Variants in RBM20 observed in about 807,000 individuals in gnomAD.
RBM20 encodes RNA binding motif protein 20.
RBM20 carries 51 observed loss-of-function variants against 110.1 expected under a neutral mutation model. The ratio of observed to expected loss-of-function variants is 0.46; its 90% CI spans 0.37 to 0.59. The LOEUF (loss-of-function observed/expected upper bound fraction) is 0.59, where lower values mean the gene tolerates loss of function less well. Among genes scored for constraint, RBM20 ranks in the 20% least tolerant of loss-of-function variants. RBM20 has a pLI of 0.00. For missense variants in RBM20, 1,512 were observed against 1,574.9 expected (o/e 0.96, Z 0.68); for synonymous variants, 589 against 618.2 (o/e 0.95, Z 0.70).
intron 1 of RBM20, among the ~76,000 whole-genome samples, chr10:110,691,179 T>A (rs1564816820): frequency 1.3e-5 from 2 of 152,096 alleles, no homozygotes; most frequent in Admixed American, 1.3e-4. Context: ...TTAGAAGGAG[T>A]GCTTTCACCA....
chr10:110,810,824 CGTGT>C (rs1023537902), intron 8 of RBM20, among the ~76,000 whole-genome samples: 2 of 142,046 alleles, frequency 1.4e-5, no homozygotes, highest in Admixed American at 7.3e-5. Context: ...TGCGTGTGTG[CGTGT>C]GTGTGTGCAT....
chr10:110,652,730 T>C (rs1234604881), intron 1 of RBM20, among the ~76,000 whole-genome samples: 2 of 152,188 alleles, frequency 1.3e-5, no homozygotes, highest in African/African-American at 4.8e-5. Context: ...GTGATGAGAA[T>C]CCCTGTATTT....
chr10:110,654,528 C>T (rs554328053), intron 1 of RBM20, among the ~76,000 whole-genome samples: 1 of 152,156 alleles, frequency 6.6e-6, no homozygotes, highest in Non-Finnish European at 1.5e-5. Flanking sequence ...TTTGCAGAAG[C>T]CTTTTAACTC....
intron 5 of RBM20, among the ~76,000 whole-genome samples, chr10:110,788,556 A>G (rs1211934307): frequency 6.6e-6 from 1 of 152,202 alleles, no homozygotes; most frequent in African/African-American, 2.4e-5. Context: ...CTTGATGTTC[A>G]TTCACATCCT....
At chr10:110,782,179 G>C (rs1844362456) in intron 2 of RBM20, among the ~76,000 whole-genome samples, 1 of 152,194 alleles carries the variant, frequency 6.6e-6, no homozygotes, top group Non-Finnish European at 1.5e-5. Flanking sequence ...AGAGAGAAGG[G>C]GCTCAGGAGT....
At position 110,794,891 on chromosome 10, in the gene RBM20, G is replaced by C. The variant is rs555250811; in HGVS notation, c.1528-2617G>C. On this transcript the variant is annotated intron_variant, in intron 5 of 13. Transcript: ENST00000369519. ...CTACTACCCAGCAGCAGCAGTTGCT[G>C]TGCTATGTTCCAATAAAAGCCTCTT... Among the ~76,000 whole-genome samples the C allele has an allele frequency of 7.9e-5, 12 of 152,346 alleles. No individual in the cohort carries two copies. The South Asian group carries it at 2.5e-3, about 32-fold the overall frequency.
Position 110,837,582 on chromosome 10 carries a change from T to A in RBM20, c.*1604T>A, listed in dbSNP as rs1845148596. 1 of 152,274 alleles carries A rather than the reference T, an allele frequency of 6.6e-6. No individual in the cohort carries two copies. The highest frequency in any genetic ancestry group is 1.5e-5 in the Non-Finnish European group (1 of 68,136). 9.4% of individuals were successfully genotyped at this position (152,274 alleles called of 1,614,324 possible). A position where few individuals can be genotyped will look rare whatever the true frequency, so the allele number is the denominator to read the frequency against. On this transcript the variant is annotated 3_prime_UTR_variant, in exon 14 of 14. Coordinates refer to ENST00000369519, the MANE Select transcript of RBM20 (RefSeq NM_001134363.3). ...AGGGTTTTGTTTTGTTTTTTTTCAT[T>A]TTCCTTTTTATGGCATGTGAGAGCA...
intron 1 of RBM20, among the ~76,000 whole-genome samples, chr10:110,759,370 G>C (rs996418359): frequency 3.3e-5 from 5 of 152,122 alleles, no homozygotes; most frequent in African/African-American, 1.2e-4. Context: ...GTCAGCCCTG[G>C]TTTTAAAGAG....
At chr10:110,806,988 T>C (rs1320354878) in intron 7 of RBM20, among the ~76,000 whole-genome samples, 1 of 152,222 alleles carries the variant, frequency 6.6e-6, no homozygotes, top group Non-Finnish European at 1.5e-5. Flanking sequence ...AGCTGGCAGC[T>C]GGTCCAGAGA....
chr10:110,736,540 A>G (rs1447913693), intron 1 of RBM20, among the ~76,000 whole-genome samples: 1 of 152,064 alleles, frequency 6.6e-6, no homozygotes, highest in East Asian at 1.9e-4. Flanking sequence ...TTAAAAAAAA[A>G]GAAAGAAAGA....
At chr10:110,709,790 C>T (rs1862897484) in intron 1 of RBM20, among the ~76,000 whole-genome samples, 1 of 151,912 alleles carries the variant, frequency 6.6e-6, no homozygotes. Flanking sequence ...AGGCGGGTCT[C>T]AAACTCCTGG....
chr10:110,835,948 C>A lies in RBM20; in HGVS notation c.3654C>A (p.Ile1218=). The change falls in exon 14 of 14, where the codon ATC becomes ATA. Residue 1218 remains isoleucine, a synonymous_variant. Coordinates refer to ENST00000369519, the MANE Select transcript of RBM20 (RefSeq NM_001134363.3). ...ADSPRPEDSG[I]VPRFERKKL ...GCCCGAGGCCAGAGGACAGCGGAAT[C>A]GTGCCACGCTTCGAAAGGAAAAAGC... 7.3e-7 allele frequency: 1 copy of A among 1,365,744 alleles called. No individual in the cohort carries two copies. Among genetic ancestry groups the A allele is most frequent in the Non-Finnish European group, 1.0e-6 (1 of 982,726 alleles). 84.6% of individuals were successfully genotyped at this position (1,365,744 alleles called of 1,614,324 possible).
rs762823794 is a variant in RBM20 at position 110,789,882 on chromosome 10, G to A, written c.1527+4993G>A. The stretch of plus-strand genomic sequence containing the variant: ...AAACAGAGTAATCAGGTTTCTGGAA[G>A]GGGCCTTGGGGCTTTCTCAGCCTGT... On this transcript the variant is annotated intron_variant, in intron 5 of 13. Transcript: ENST00000369519. 5.6e-4 allele frequency among the ~76,000 whole-genome samples: 86 copies of A among 152,286 alleles called. 1 individual carries two copies. Among genetic ancestry groups the A allele is most frequent in the Admixed American group, 5.6e-3 (86 of 15,300 alleles).
intron 1 of RBM20, among the ~76,000 whole-genome samples, chr10:110,713,081 C>T (rs1186416857): frequency 2.0e-5 from 3 of 152,202 alleles, no homozygotes; most frequent in African/African-American, 7.2e-5. Flanking sequence ...AGTGCTTGCT[C>T]TATTCTCCCT....
At chr10:110,687,241 C>A (rs1862518700) in intron 1 of RBM20, among the ~76,000 whole-genome samples, 2 of 152,064 alleles carry the variant, frequency 1.3e-5, no homozygotes, top group East Asian at 1.9e-4. Context: ...CAAAGAGGCC[C>A]AAATTATATT....
intron 1 of RBM20, among the ~76,000 whole-genome samples, chr10:110,760,297 T>A (rs1479513755): frequency 6.6e-6 from 1 of 152,046 alleles, no homozygotes; most frequent in African/African-American, 2.4e-5. Flanking sequence ...AGCACCTGGT[T>A]CTCCAGGAGA....
intron 7 of RBM20, among the ~76,000 whole-genome samples, chr10:110,803,458 A>G (rs1321172463): frequency 1.3e-5 from 2 of 152,186 alleles, no homozygotes; most frequent in East Asian, 1.9e-4. Flanking sequence ...TCACTTGGTG[A>G]TGTTGTGAAA....
intron 1 of RBM20, among the ~76,000 whole-genome samples, chr10:110,721,603 C>A (rs1217942298): frequency 6.6e-6 from 1 of 152,170 alleles, no homozygotes; most frequent in Admixed American, 6.5e-5. Flanking sequence ...CAGGGCAAAT[C>A]AGCACGCTCT....
At chr10:110,667,122 G>A (rs1862190179) in intron 1 of RBM20, among the ~76,000 whole-genome samples, 1 of 152,178 alleles carries the variant, frequency 6.6e-6, no homozygotes, top group African/African-American at 2.4e-5. Context: ...TGGCTGTTGT[G>A]AGGATGACAT....
Sources: allele counts gnomAD v4.1 joint callset (sites outside exome capture counted in the v4.1 genomes callset), GRCh38; gene constraint gnomAD v4.1.1; transcripts MANE v1.5; gene names NCBI Gene and HGNC (gene_info 2026-07-23, HGNC 2026-07-21).